Variants in GPRIN1 observed in about 807,000 individuals in gnomAD.
GPRIN1 encodes G protein-regulated inducer of neurite outgrowth 1.
In GPRIN1, 4 loss-of-function variants were observed where a neutral mutation model predicts 2.8. The observed-to-expected ratio is 1.45, with a 90% CI of 0.71 to 3.32. GPRIN1 has a LOEUF of 3.32. GPRIN1 is among the 30% of genes most tolerant of loss of function. GPRIN1 has a pLI of 0.01. For synonymous variants in GPRIN1, 589 were observed against 589.9 expected (o/e 1.00, Z 0.02); for missense variants, 1,322 against 1,343.4 (o/e 0.98, Z 0.25).
rs1266771056 is a variant in GPRIN1 at position 176,600,689 on chromosome 5, G to A, written c.-43-812C>T. On this transcript the variant is annotated intron_variant, in intron 1 of 1. Coordinates refer to ENST00000303991, the MANE Select transcript of GPRIN1 (RefSeq NM_052899.3). ...AGCACTTTGGGAGGCTGAGGCTGAC[G>A]GATCACTAGAGGTCAGGAGTTCAAG... 3.3e-5 allele frequency among the ~76,000 whole-genome samples: 5 copies of A among 152,070 alleles called. 1 individual carries two copies. Among genetic ancestry groups the A allele is most frequent in the Non-Finnish European group, 7.3e-5 (5 of 68,030 alleles).
rs776316474 is a variant in GPRIN1, at chr5:176,597,767, A to T, written c.2068T>A (p.Ser690Thr). Residue 690 changes from serine to threonine, a missense_variant, in exon 2 of 2, where the codon TCC becomes ACC. Physicochemically the swap from Ser to Thr is moderately conservative, Grantham distance 58. Coordinates refer to ENST00000303991, the MANE Select transcript of GPRIN1 (RefSeq NM_052899.3). The surrounding 1 kb of genome is among the most constrained non-coding windows in gnomAD (Gnocchi z 6.1). ...GGTGCAGAGTCGGCTTTCCCCAGGG[A>T]CACAGGCTCTCCCTTCCCTGAGGCA... ...PLASGKGEPV[S>T]LGKADSAPSR... is the part of the protein sequence containing the mutation. The T allele has an allele frequency of 6.2e-7, 1 of 1,604,674 alleles. No homozygotes were observed. The highest frequency in any genetic ancestry group is 8.5e-7 in the Non-Finnish European group (1 of 1,175,476).
At position 176,599,043 on chromosome 5, in the gene GPRIN1, T is replaced by C. The variant is rs1236806065; in HGVS notation, c.792A>G (p.Lys264=). The C allele has an allele frequency of 1.9e-6, 3 of 1,613,878 alleles. No individual in the cohort carries two copies. The East Asian group carries it at 6.7e-5, about 36-fold the overall frequency. The part of the protein sequence containing the change: ...PRKEEPRYSG[K]EHPVSSEKVA... ...CCTTTTCTGAGGACACAGGATGCTC[T>C]TTTCCTGAATACCTGGGCTCCTCCT... Residue 264 remains lysine, a synonymous_variant, in exon 2 of 2, where the codon AAA becomes AAG. Transcript: ENST00000303991.
intron 1 of GPRIN1, among the ~76,000 whole-genome samples, chr5:176,600,447 C>A (rs958920405): frequency 2.0e-5 from 3 of 152,170 alleles, no homozygotes; most frequent in Non-Finnish European, 4.4e-5. Context: ...CCTCTCTGTT[C>A]AACCCCACCC....
intron 1 of GPRIN1, among the ~76,000 whole-genome samples, chr5:176,604,860 A>G (rs1759201093): frequency 6.6e-6 from 1 of 151,864 alleles, no homozygotes. Context: ...CAGCCTCCCA[A>G]GTAGCTGGGA....
intron 1 of GPRIN1, among the ~76,000 whole-genome samples, chr5:176,600,115 C>CTTTCTT (rs759214137): frequency 6.2e-4 from 94 of 152,312 alleles, no homozygotes; most frequent in Admixed American, 1.0e-3. Context: ...CACAGCCTAA[C>CTTTCTT]TTTCTTTTTC....
chr5:176,598,113 T>C lies in GPRIN1; in HGVS notation c.1722A>G (p.Lys574=). Residue 574 remains lysine (K), a synonymous_variant, in exon 2 of 2, where the codon AAA becomes AAG. Coordinates refer to ENST00000303991, the MANE Select transcript of GPRIN1 (RefSeq NM_052899.3). ...SGQGDSVSIG[K]VVSTPGKTVP... is the part of the protein sequence containing the mutation. ...CTGTTTTTCCTGGAGTTGAGACCAC[T>C]TTACCTATAGACACAGAGTCCCCTT... is the stretch of plus-strand genomic sequence containing the variant. 3 of 1,613,188 alleles carry C rather than the reference T, an allele frequency of 1.9e-6. No individual in the cohort carries two copies. The highest frequency in any genetic ancestry group is 2.5e-6 in the Non-Finnish European group (3 of 1,179,982).
intron 1 of GPRIN1, among the ~76,000 whole-genome samples, chr5:176,609,391 C>T (rs547521487): frequency 6.6e-6 from 1 of 152,198 alleles, no homozygotes; most frequent in Admixed American, 6.5e-5. Flanking sequence ...GACAGGTGGC[C>T]GTGTGTATGA....
Position 176,598,234 on chromosome 5 carries a change from T to C in GPRIN1, c.1601A>G (p.Lys534Arg). Residue 534 changes from lysine (K) to arginine (R), a missense_variant, in exon 2 of 2, where the codon AAG (lysine) becomes AGG (arginine). Transcript: ENST00000303991. ...SEKAGLVASG[K>R]AAPTASGKAE... The stretch of plus-strand genomic sequence containing the variant: ...CTTCCCTGAGGCTGTGGGAGCCGCC[T>C]TTCCAGAGGCCACCAGACCTGCCTT... The C allele has an allele frequency of 1.2e-6, 2 of 1,612,746 alleles. No individual in the cohort carries two copies. Among genetic ancestry groups the C allele is most frequent in the Non-Finnish European group, 1.7e-6 (2 of 1,179,892 alleles).
chr5:176,606,522 G>T (rs1469361695), intron 1 of GPRIN1, among the ~76,000 whole-genome samples: 1 of 152,226 alleles, frequency 6.6e-6, no homozygotes, highest in East Asian at 1.9e-4. Context: ...GTCTGAGCGT[G>T]CTTCCTGCCT....
chr5:176,602,327 C>A lies in GPRIN1; in HGVS notation c.-43-2450G>T, dbSNP rs1183328706. 6.6e-6 allele frequency among the ~76,000 whole-genome samples: 1 copy of A among 152,200 alleles called. No individual in the cohort carries two copies. The highest frequency in any genetic ancestry group is 1.5e-5 in the Non-Finnish European group (1 of 68,036). ...TTCTAATCAGTTTTCCTCCATAGTA[C>A]CTGTCACCATCTGACATATCACATA... is the stretch of plus-strand genomic sequence containing the variant. On this transcript the variant is annotated intron_variant, in intron 1 of 1. Coordinates refer to ENST00000303991, the MANE Select transcript of GPRIN1 (RefSeq NM_052899.3). The surrounding 1 kb of genome is among the most constrained non-coding windows in gnomAD (Gnocchi z 4.4).
intron 1 of GPRIN1, among the ~76,000 whole-genome samples, chr5:176,605,541 G>A (rs1490771359): frequency 2.0e-5 from 3 of 152,146 alleles, no homozygotes; most frequent in Non-Finnish European, 2.9e-5. Context: ...GGAGTTCCGC[G>A]GCTGTAATCC....
At chr5:176,606,818 G>A (rs73332105) in intron 1 of GPRIN1, among the ~76,000 whole-genome samples, 153 of 152,316 alleles carry the variant, frequency 1.0e-3, no homozygotes, top group African/African-American at 3.5e-3. Context: ...AATCCCACCC[G>A]CCTGCCAGGC....
At position 176,597,218 on chromosome 5, in the gene GPRIN1, T is replaced by C; in HGVS notation, c.2617A>G (p.Thr873Ala). 7.9e-7 allele frequency: 1 copy of C among 1,272,122 alleles called. No homozygotes were observed. The highest frequency in any genetic ancestry group is 1.6e-5 in the African/African-American group (1 of 64,468). The allele number at this position is 1,272,122 out of a possible 1,614,324, so 78.8% of individuals were successfully genotyped here. The change falls in exon 2 of 2, where the codon ACT becomes GCT. Residue 873 changes from threonine to alanine, a missense_variant. This residue lies in a region of GPRIN1 where 1,117 missense variants were observed against 1,128.6 expected (regional missense o/e 0.99). Coordinates refer to ENST00000303991, the MANE Select transcript of GPRIN1 (RefSeq NM_052899.3). This position sits in a 1 kb window ranked among gnomAD's most constrained non-coding sequence, Gnocchi z 6.1. ...LGAAETRSVA[T>A]GPMTPQAAAP... ...GCGGCTTGAGGTGTCATGGGCCCAGTGGCCACGGAGCGCGTCTCGGCGGCG... is the reference window on the plus strand; with the variant it reads ...GCGGCTTGAGGTGTCATGGGCCCAGCGGCCACGGAGCGCGTCTCGGCGGCG...
Position 176,595,885 on chromosome 5 carries a change from A to G in GPRIN1, c.*923T>C. Reference sequence around the variant, plus strand: ...CTGGAGGGGTGGGGACGGGACACTGAGTGGTCACAAGGGACTTGGGCTCAC... The same window carrying G: ...CTGGAGGGGTGGGGACGGGACACTGGGTGGTCACAAGGGACTTGGGCTCAC... On this transcript the variant is annotated 3_prime_UTR_variant, in exon 2 of 2. Coordinates refer to ENST00000303991, the MANE Select transcript of GPRIN1 (RefSeq NM_052899.3). 2 of 447,270 alleles carry G rather than the reference A, an allele frequency of 4.5e-6. No individual in the cohort carries two copies. Among genetic ancestry groups the G allele is most frequent in the Non-Finnish European group, 7.8e-6 (2 of 257,644 alleles). 27.7% of individuals were successfully genotyped at this position (447,270 alleles called of 1,614,324 possible). A position where few individuals can be genotyped will look rare whatever the true frequency, so the allele number is the denominator to read the frequency against.
chr5:176,599,984 T>TAG (rs1331557933), intron 1 of GPRIN1, 107 bp from the exon 2 acceptor site: 24 of 654,258 alleles, frequency 3.7e-5, no homozygotes, highest in Middle Eastern at 3.7e-4. Flanking sequence ...GGTCCCCACC[T>TAG]GTCCAGAGGA....
rs764831221 is a variant in GPRIN1 at position 176,599,221 on chromosome 5, G to A, written c.614C>T (p.Thr205Ile). ...GGATCCAAGATCTTCCTTTCTTACA[G>A]TCATGGGATCCATCCTTCCAGGAGC... ...PVAPGRMDPM[T>I]VRKEDLGSLG... Residue 205 changes from threonine (T) to isoleucine (I), a missense_variant, in exon 2 of 2, where the codon ACT (threonine) becomes ATT (isoleucine). Transcript: ENST00000303991. 1.9e-6 allele frequency: 3 copies of A among 1,613,722 alleles called. No individual in the cohort carries two copies. Among genetic ancestry groups the A allele is most frequent in the Non-Finnish European group, 2.5e-6 (3 of 1,179,958 alleles).
In GPRIN1 at chr5:176,598,315, G is replaced by C; in HGVS notation, c.1520C>G (p.Ser507Cys). 1 of 1,613,846 alleles carries C rather than the reference G, an allele frequency of 6.2e-7. No individual in the cohort carries two copies. The highest frequency in any genetic ancestry group is 8.5e-7 in the Non-Finnish European group (1 of 1,179,822). Residue 507 changes from serine to cysteine, a missense_variant, in exon 2 of 2, where the codon TCT becomes TGT. By Grantham distance (112) the Ser-to-Cys change is moderately radical. Around this residue, in one of 3 missense-constraint regions of GPRIN1, gnomAD observed 1,117 missense variants for 1,128.6 expected, o/e 0.99. Coordinates refer to ENST00000303991, the MANE Select transcript of GPRIN1 (RefSeq NM_052899.3). ...PRSLGTAGPP[S>C]AVKAEPATGG... ...CGTCGCTGGCTCAGCCTTTACTGCA[G>C]ATGGGGGACCTGCTGTCCCCAAGGA...
At chr5:176,603,626 G>A (rs1759180084) in intron 1 of GPRIN1, among the ~76,000 whole-genome samples, 1 of 152,158 alleles carries the variant, frequency 6.6e-6, no homozygotes, top group East Asian at 1.9e-4. Context: ...AGAGGATCAT[G>A]GGGCACTGGG....
In GPRIN1 at chr5:176,598,015, CCCACTTTTCCCTCTGGGATAGCTT is replaced by C. The variant is rs1261487409; in HGVS notation, c.1796_1819del (p.Glu599_Val606del). ...ACTCCCCTTCTCTAGAGGCAGAGAA[CCCACTTTTCCCTCTGGGATAGCTT>C]CTGCTTTTCCCAGGGACACGGGATC... On this transcript the variant is annotated inframe_deletion, in exon 2 of 2. Coordinates refer to ENST00000303991, the MANE Select transcript of GPRIN1 (RefSeq NM_052899.3). 6.2e-7 allele frequency: 1 copy of C among 1,613,904 alleles called. No individual in the cohort carries two copies. The highest frequency in any genetic ancestry group is 8.5e-7 in the Non-Finnish European group (1 of 1,180,002).
Sources: allele counts gnomAD v4.1 joint callset (sites outside exome capture counted in the v4.1 genomes callset), GRCh38; gene constraint gnomAD v4.1.1; regional missense constraint gnomAD v4.1.1; non-coding constraint Gnocchi (gnomAD v3.1); transcripts MANE v1.5; gene names NCBI Gene and HGNC (gene_info 2026-07-23, HGNC 2026-07-21).